SHANK2: variants seen among roughly 807,000 people sequenced by gnomAD.
The protein encoded by SHANK2 is SH3 and multiple ankyrin repeat domains 2.
A neutral mutation model predicts 133.7 loss-of-function variants in SHANK2; 43 were observed. The observed-to-expected ratio is 0.32, with a 90% CI of 0.25 to 0.41. The LOEUF (loss-of-function observed/expected upper bound fraction) is 0.41, where lower values mean the gene tolerates loss of function less well. Ranked by LOEUF, SHANK2 falls within the 10% of genes least tolerant of loss-of-function variation. The pLI, the probability that SHANK2 is intolerant of heterozygous loss-of-function variation, is 1.00. For synonymous variants in SHANK2, 1,017 were observed against 952.8 expected, an observed-to-expected ratio of 1.07 and a Z score of -1.24; for missense variants, 1,994 against 2,235.8, an observed-to-expected ratio of 0.89 and a Z score of 2.18.
chr11:70,474,951 G>A (rs781855081), intron 25 of SHANK2: 3 of 152,456 alleles, frequency 2.0e-5, no homozygotes, highest in Non-Finnish European at 1.5e-5. Context: ...GTGCACTGGT[G>A]TGACATCGTG....
intron 17 of SHANK2, among the ~76,000 whole-genome samples, chr11:70,639,222 GGGCTCCGCAAGTGCCTGAA>G (rs1240088087): frequency 6.6e-6 from 1 of 152,150 alleles, no homozygotes; most frequent in Non-Finnish European, 1.5e-5. Flanking sequence ...GGGTGGAAGT[GGGCTCCGCAAGTGCCTGAA>G]AGGGAGTCTC....
At position 70,500,748 on chromosome 11, in the gene SHANK2, C is replaced by T. The variant is rs575681431; in HGVS notation, c.2288-158G>A. On this transcript the variant is annotated intron_variant, in intron 20 of 25. Transcript: ENST00000601538. This position sits in a 1 kb window ranked among gnomAD's most constrained non-coding sequence, Gnocchi z 4.5. ...TCTGGAACGCTGCGAACGCAGGCTG[C>T]GCTATCCATGGAGTGGCTTTCCCCA... 48 of 963,258 alleles carry T rather than the reference C, an allele frequency of 5.0e-5. No individual in the cohort carries two copies. Among genetic ancestry groups the T allele is most frequent in the African/African-American group, 1.1e-4 (7 of 61,886 alleles). 59.7% of individuals were successfully genotyped at this position (963,258 alleles called of 1,614,324 possible).
chr11:70,789,318 ATC>A lies in SHANK2; in HGVS notation c.1777+9123_1777+9124del, dbSNP rs1947736990. 2.0e-5 allele frequency among the ~76,000 whole-genome samples: 3 copies of A among 152,222 alleles called. 1 individual carries two copies. Among genetic ancestry groups the A allele is most frequent in the African/African-American group, 7.2e-5 (3 of 41,536 alleles). On this transcript the variant is annotated intron_variant, in intron 14 of 25. Coordinates refer to ENST00000601538, the MANE Select transcript of SHANK2 (RefSeq NM_012309.5). ...GTAGAAAAGACACACTGCAAACCAC[ATC>A]TGTTTCCTGGTCAGAGCTCTGACTT...
At chr11:70,630,526 G>A (rs781859992) in intron 17 of SHANK2, among the ~76,000 whole-genome samples, 6 of 152,224 alleles carry the variant, frequency 3.9e-5, no homozygotes, top group African/African-American at 7.2e-5. Context: ...ACCTTCTTTG[G>A]AAGTAAGGTT....
At chr11:71,124,210 TG>T (rs1952135549) in intron 3 of SHANK2, among the ~76,000 whole-genome samples, 1 of 14,688 alleles carries the variant, frequency 6.8e-5, no homozygotes. Flanking sequence ...ATGGTGGTGA[TG>T]ATGATGGTGA....
intron 21 of SHANK2, among the ~76,000 whole-genome samples, chr11:70,498,736 G>C (rs984166616): frequency 6.6e-6 from 1 of 152,138 alleles, no homozygotes; most frequent in Non-Finnish European, 1.5e-5. Flanking sequence ...GACCATGCAC[G>C]GGGGGCTTAA....
In SHANK2 at chr11:71,076,432, A is replaced by C. The variant is rs983488872; in HGVS notation, c.913-1157T>G. Among the ~76,000 whole-genome samples, 23 of 152,010 alleles carry C rather than the reference A, an allele frequency of 1.5e-4. No homozygotes were observed. In the East Asian group the frequency reaches 4.5e-3, roughly 30 times the overall value. On this transcript the variant is annotated intron_variant, in intron 8 of 25. Transcript: ENST00000601538. Reference sequence around the variant, plus strand: ...AAAGAGCTACACCTCAGCAATTAACAGTGAGGAAAGATGACAGGGAAGATA... The same window carrying C: ...AAAGAGCTACACCTCAGCAATTAACCGTGAGGAAAGATGACAGGGAAGATA...
chr11:70,572,912 G>A (rs1027278791), intron 17 of SHANK2, among the ~76,000 whole-genome samples: 1 of 152,144 alleles, frequency 6.6e-6, no homozygotes, highest in Non-Finnish European at 1.5e-5. Flanking sequence ...CAAGAGAAAT[G>A]AAGGCACCTA....
chr11:71,202,134 G>C (rs1159757788), intron 2 of SHANK2, among the ~76,000 whole-genome samples: 1 of 152,172 alleles, frequency 6.6e-6, no homozygotes, highest in Admixed American at 6.5e-5. Context: ...GATGATGAGG[G>C]TGCAAGGTGC....
intron 17 of SHANK2, among the ~76,000 whole-genome samples, chr11:70,636,910 AT>A (rs1475817383): frequency 6.6e-6 from 1 of 152,112 alleles, no homozygotes; most frequent in Non-Finnish European, 1.5e-5. Context: ...GTGTGTGAAC[AT>A]GTGTACCGTT....
rs1316758686 is a variant in SHANK2 at position 70,833,141 on chromosome 11, C to G, written c.1175-12459G>C. ...CACATGGGCCAGGAAGGCACTGATGCAGAAGGAGCAACTCACAGAAGCCGG... is the reference window on the plus strand; with the variant it reads ...CACATGGGCCAGGAAGGCACTGATGGAGAAGGAGCAACTCACAGAAGCCGG... On this transcript the variant is annotated intron_variant, in intron 11 of 25. Transcript: ENST00000601538. Among the ~76,000 whole-genome samples the G allele has an allele frequency of 2.0e-5, 3 of 152,368 alleles. No individual in the cohort carries two copies. In the East Asian group the frequency reaches 5.8e-4, roughly 29 times the overall value.
intron 25 of SHANK2, among the ~76,000 whole-genome samples, chr11:70,476,562 T>C (rs964028108): frequency 5.3e-5 from 8 of 152,166 alleles, no homozygotes; most frequent in African/African-American, 1.7e-4. Context: ...GCCAAGATGA[T>C]TGAAATCAAA....
At chr11:70,608,367 G>A (rs954328159) in intron 17 of SHANK2, among the ~76,000 whole-genome samples, 15 of 152,118 alleles carry the variant, frequency 9.9e-5, no homozygotes, top group African/African-American at 3.4e-4. Flanking sequence ...CACGTAGGGG[G>A]CCTGCAGGCT....
At chr11:71,159,853 G>A (rs537879807) in intron 2 of SHANK2, among the ~76,000 whole-genome samples, 10 of 152,022 alleles carry the variant, frequency 6.6e-5, no homozygotes, top group Admixed American at 5.2e-4. Flanking sequence ...GGGCATGGTG[G>A]TGGCACACCT....
At chr11:70,767,582 C>T (rs1489855356) in intron 14 of SHANK2, among the ~76,000 whole-genome samples, 11 of 151,980 alleles carry the variant, frequency 7.2e-5, no homozygotes, top group African/African-American at 1.2e-4. Context: ...GAGAACATGG[C>T]ACTGAGTGAA....
chr11:71,071,839 G>GCACTGCTTTGGGATGGGAA (rs1340590034), intron 9 of SHANK2, among the ~76,000 whole-genome samples: 29 of 152,150 alleles, frequency 1.9e-4, no homozygotes, highest in African/African-American at 6.5e-4. Flanking sequence ...CAGGATGGGA[G>GCACTGCTTTGGGATGGGAA]CACTGCTTTG....
At chr11:70,564,138 C>A (rs10899174) in intron 17 of SHANK2, among the ~76,000 whole-genome samples, 2 of 152,292 alleles carry the variant, frequency 1.3e-5, no homozygotes, top group African/African-American at 4.8e-5. Context: ...GTTTTTGTTT[C>A]TTTTTCTCTC....
Position 70,909,066 on chromosome 11 carries a change from G to A in SHANK2, c.1108-12499C>T, listed in dbSNP as rs564388100. 2.6e-4 allele frequency among the ~76,000 whole-genome samples: 39 copies of A among 152,318 alleles called. 2 individuals are homozygous for A. Among genetic ancestry groups the A allele is most frequent in the Admixed American group, 2.5e-3 (38 of 15,306 alleles). On this transcript the variant is annotated intron_variant, in intron 10 of 25. Transcript: ENST00000601538. ...GTTTAACAAACACACAAAAGAATGGGAAATAATTCTTTCATGTGGACCAAA... is the reference window on the plus strand; with the variant it reads ...GTTTAACAAACACACAAAAGAATGGAAAATAATTCTTTCATGTGGACCAAA...
rs1456614516 is a variant in SHANK2 at position 70,722,615 on chromosome 11, G to A, written c.1778-23852C>T. Among the ~76,000 whole-genome samples, 7 of 152,202 alleles carry A rather than the reference G, an allele frequency of 4.6e-5. No individual in the cohort carries two copies. In the East Asian group the frequency reaches 1.3e-3, roughly 29 times the overall value. On this transcript the variant is annotated intron_variant, in intron 14 of 25. Coordinates refer to ENST00000601538, the MANE Select transcript of SHANK2 (RefSeq NM_012309.5). Reference sequence around the variant, plus strand: ...AGAATTTCATTTAAAGATAACAAGGGGAATCCTTGCACATCATTGTTTGAA... The same window carrying A: ...AGAATTTCATTTAAAGATAACAAGGAGAATCCTTGCACATCATTGTTTGAA...
Sources: gnomAD v4.1 joint callset for allele counts (sites outside exome capture counted in the v4.1 genomes callset) on GRCh38, gnomAD v4.1.1 for gene constraint, Gnocchi (gnomAD v3.1) non-coding constraint, MANE v1.5 for transcripts, NCBI Gene and HGNC (gene_info 2026-07-23, HGNC 2026-07-21) for gene names.